The following CPPED1 variants were observed in gnomAD, a reference collection of about 807,000 sequenced individuals.
CPPED1 encodes serine/threonine-protein phosphatase CPPED1.
In CPPED1, 28 loss-of-function variants were observed where a neutral mutation model predicts 28.0. The ratio of observed to expected loss-of-function variants is 1.00; its 90% confidence interval spans 0.74 to 1.37. The LOEUF is 1.37. Among genes scored for constraint, CPPED1 ranks in the 40% most tolerant of loss-of-function variants. CPPED1 has a pLI of 0.00. For synonymous variants in CPPED1, 198 were observed against 180.2 expected (o/e 1.10, Z -0.79); for missense variants, 504 against 416.5 (o/e 1.21, Z -1.83).
At chr16:12,803,683 C>T (rs778663186) in intron 1 of CPPED1, 24 bp downstream of exon 1, 2 of 1,512,630 alleles carry the variant, frequency 1.3e-6, no homozygotes, top group East Asian at 2.7e-5. Context: ...AGAGTCCCCT[C>T]CCCGGGTGAG....
chr16:12,778,323 C>CT (rs896939651), intron 2 of CPPED1, among the ~76,000 whole-genome samples: 1 of 137,908 alleles, frequency 7.3e-6, no homozygotes, highest in African/African-American at 2.8e-5. Flanking sequence ...GCTGCCCAGG[C>CT]TGGAGTGCTG....
chr16:12,688,682 C>T (rs1352822777), intron 3 of CPPED1, among the ~76,000 whole-genome samples: 1 of 152,118 alleles, frequency 6.6e-6, no homozygotes, highest in Non-Finnish European at 1.5e-5. Flanking sequence ...TGGTTTCTTT[C>T]CTGACTTTTC....
intron 2 of CPPED1, among the ~76,000 whole-genome samples, chr16:12,715,200 T>C (rs9924804): frequency 0.018 from 2,696 of 152,304 alleles, 80 homozygotes; most frequent in African/African-American, 0.063. Flanking sequence ...TGCAGGCTTC[T>C]AGTAAGTTTG....
intron 3 of CPPED1, among the ~76,000 whole-genome samples, chr16:12,694,733 GGGGGGGGGGC>G: frequency 1.2e-5 from 1 of 80,080 alleles, no homozygotes; most frequent in East Asian, 3.6e-4. Context: ...AAAAAAGGTG[GGGGGGGGGGC>G]GGGGGCATGA....
At chr16:12,764,996 G>T (rs189235389) in intron 2 of CPPED1, among the ~76,000 whole-genome samples, 51 of 152,324 alleles carry the variant, frequency 3.3e-4, no homozygotes, top group African/African-American at 1.1e-3. Context: ...AGAGTGTCAC[G>T]CTGTAAACCA....
At chr16:12,703,012 CAAA>C (rs11385568) in intron 3 of CPPED1, among the ~76,000 whole-genome samples, 5 of 122,122 alleles carry the variant, frequency 4.1e-5, no homozygotes, top group Non-Finnish European at 1.7e-5. Flanking sequence ...GACTCCGTCT[CAAA>C]AAAAAAAAAA....
At chr16:12,687,830 T>G (rs191765927) in intron 3 of CPPED1, among the ~76,000 whole-genome samples, 2 of 152,222 alleles carry the variant, frequency 1.3e-5, no homozygotes, top group Admixed American at 6.5e-5. Flanking sequence ...AAATTTATAC[T>G]CAATTAATTG....
intron 1 of CPPED1, among the ~76,000 whole-genome samples, chr16:12,801,670 C>G (rs984777342): frequency 2.0e-5 from 3 of 152,118 alleles, no homozygotes; most frequent in Non-Finnish European, 2.9e-5. Context: ...CATAACAGCA[C>G]TGTTACCAAG....
At chr16:12,741,957 T>G (rs2080258158) in intron 2 of CPPED1, among the ~76,000 whole-genome samples, 1 of 151,810 alleles carries the variant, frequency 6.6e-6, no homozygotes, top group Non-Finnish European at 1.5e-5. Flanking sequence ...TCCCAATGAC[T>G]TGGGAGGATG....
chr16:12,737,271 G>A (rs2080231765), intron 2 of CPPED1, among the ~76,000 whole-genome samples: 1 of 152,160 alleles, frequency 6.6e-6, no homozygotes, highest in Non-Finnish European at 1.5e-5. Context: ...ACTTGAAGGT[G>A]TAGGGCAACA....
chr16:12,669,326 G>T (rs999861054), intron 3 of CPPED1, among the ~76,000 whole-genome samples: 1 of 152,140 alleles, frequency 6.6e-6, no homozygotes. Flanking sequence ...GCTGAGGGAA[G>T]GGTGGAACGG....
At chr16:12,796,572 A>G (rs188204522) in intron 1 of CPPED1, among the ~76,000 whole-genome samples, 1 of 152,324 alleles carries the variant, frequency 6.6e-6, no homozygotes, top group East Asian at 1.9e-4. Context: ...AAGAGTGGCA[A>G]TAAGAAATGT....
Position 12,670,726 on chromosome 16 carries a change from C to A in CPPED1, c.716-5611G>T, listed in dbSNP as rs2079848916. ...CATTGTATCAAATACCTGACCAGCA[C>A]TCCTCAAAACTGTCATCAAAAACAA... On this transcript the variant is annotated intron_variant, in intron 3 of 3. Coordinates refer to ENST00000381774, the MANE Select transcript of CPPED1 (RefSeq NM_018340.3). This position sits in a 1 kb window ranked among gnomAD's most constrained non-coding sequence, Gnocchi z 4.2. 6.6e-6 allele frequency among the ~76,000 whole-genome samples: 1 copy of A among 152,216 alleles called. No homozygotes were observed. The highest frequency in any genetic ancestry group is 1.5e-5 in the Non-Finnish European group (1 of 68,044).
Position 12,660,497 on chromosome 16 carries a change from ATGTGTGTGTGTGTG to A in CPPED1, c.*4375_*4388del, listed in dbSNP as rs61163755. ...GAAAAGAATCCTCCACTTTTACTAT[ATGTGTGTGTGTGTG>A]TGTGTGTGTGTGTGTGTGTGTGTAC... On this transcript the variant is annotated 3_prime_UTR_variant, in exon 4 of 4. Coordinates refer to ENST00000381774, the MANE Select transcript of CPPED1 (RefSeq NM_018340.3). 1.8e-4 allele frequency: 26 copies of A among 145,530 alleles called. No homozygotes were observed. Among genetic ancestry groups the A allele is most frequent in the African/African-American group, 3.3e-4 (13 of 39,916 alleles). The allele number at this position is 145,530 out of a possible 1,614,324, so 9.0% of individuals were successfully genotyped here.
At chr16:12,784,761 T>C (rs1393145489) in intron 1 of CPPED1, among the ~76,000 whole-genome samples, 1 of 152,196 alleles carries the variant, frequency 6.6e-6, no homozygotes, top group Non-Finnish European at 1.5e-5. Flanking sequence ...GCAGCATAAA[T>C]CAACCTTCTA....
At chr16:12,686,952 T>C (rs545959599) in intron 3 of CPPED1, among the ~76,000 whole-genome samples, 31 of 152,264 alleles carry the variant, frequency 2.0e-4, no homozygotes, top group African/African-American at 7.5e-4. Flanking sequence ...ACTGATTCAG[T>C]ACGTACACCA....
intron 2 of CPPED1, chr16:12,753,216 C>A (rs1293932111): frequency 6.6e-6 from 1 of 152,150 alleles, no homozygotes; most frequent in Non-Finnish European, 1.5e-5. Context: ...ATGTTGAAAT[C>A]CTAGCCCCCA....
Position 12,704,780 on chromosome 16 carries a change from C to T in CPPED1, c.559G>A (p.Glu187Lys), listed in dbSNP as rs754962593. Residue 187 changes from glutamate (E) to lysine (K), a missense_variant, in exon 3 of 4, where the codon GAG (glutamate) becomes AAG (lysine). Glu to Lys is a moderately conservative substitution (Grantham distance 56). Coordinates refer to ENST00000381774, the MANE Select transcript of CPPED1 (RefSeq NM_018340.3). ...LKQAQDQWLD[E>K]QLSIARQRHC... ...CGCTGCCTCGCGATGCTCAGCTGCTCGTCCAGCCACTGGTCCTGAGCCTGC... is the reference window on the plus strand; with the variant it reads ...CGCTGCCTCGCGATGCTCAGCTGCTTGTCCAGCCACTGGTCCTGAGCCTGC... The T allele has an allele frequency of 1.2e-5, 20 of 1,614,076 alleles. No homozygotes were observed. Among genetic ancestry groups the T allele is most frequent in the African/African-American group, 5.3e-5 (4 of 74,920 alleles).
chr16:12,754,481 T>C (rs2080351857), intron 2 of CPPED1, among the ~76,000 whole-genome samples: 1 of 152,164 alleles, frequency 6.6e-6, no homozygotes, highest in Admixed American at 6.5e-5. Context: ...AAACCTGATG[T>C]CTACAAATCT....
Sources: gnomAD v4.1 joint callset for allele counts (sites outside exome capture counted in the v4.1 genomes callset) on GRCh38, gnomAD v4.1.1 for gene constraint, Gnocchi (gnomAD v3.1) non-coding constraint, MANE v1.5 for transcripts, NCBI Gene and HGNC (gene_info 2026-07-23, HGNC 2026-07-21) for gene names.